The following ABCA13 variants were observed in gnomAD, a reference collection of about 807,000 sequenced individuals.
ABCA13 encodes ATP binding cassette subfamily A member 13.
In ABCA13, 476 loss-of-function variants were observed where a neutral mutation model predicts 478.7. That is an observed-to-expected ratio of 0.99 (90% CI 0.92 to 1.07). The LOEUF is 1.07. ABCA13 is among the 50% of genes least tolerant of loss of function. The pLI is 0.00. For missense variants in ABCA13, 6,060 were observed against 5,910.6 expected (o/e 1.03, Z -0.83); for synonymous variants, 2,252 against 2,158.9 (o/e 1.04, Z -1.20).
Position 48,231,959 on chromosome 7 carries a change from A to G in ABCA13, c.763+2004A>G, listed in dbSNP as rs181923205. ...TTACAGGCGTGAGCCACTGCGCCCA[A>G]CCCTGAACTATTGTACAATGAGATT... On this transcript the variant is annotated intron_variant, in intron 7 of 61. Coordinates refer to ENST00000435803, the MANE Select transcript of ABCA13 (RefSeq NM_152701.5). Among the ~76,000 whole-genome samples the G allele has an allele frequency of 3.5e-3, 533 of 151,912 alleles. 3 individuals are homozygous for G. Among genetic ancestry groups the G allele is most frequent in the Non-Finnish European group, 5.9e-3 (400 of 67,910 alleles).
chr7:48,259,716 A>G (rs573792037), intron 15 of ABCA13, among the ~76,000 whole-genome samples: 4 of 94,754 alleles, frequency 4.2e-5, no homozygotes, highest in African/African-American at 2.5e-4. Flanking sequence ...CTATATACTT[A>G]AGTGTTTTTT....
chr7:48,243,940 G>A (rs969706700), intron 10 of ABCA13, among the ~76,000 whole-genome samples: 1 of 152,256 alleles, frequency 6.6e-6, no homozygotes, highest in Non-Finnish European at 1.5e-5. Context: ...GCTGCCCACA[G>A]TGTGGCTATG....
At chr7:48,571,051 C>T (rs939959442) in intron 55 of ABCA13, among the ~76,000 whole-genome samples, 1 of 152,154 alleles carries the variant, frequency 6.6e-6, no homozygotes, top group Non-Finnish European at 1.5e-5. Context: ...TTAATACCAA[C>T]TTAATTTCAA....
intron 48 of ABCA13, among the ~76,000 whole-genome samples, chr7:48,495,402 T>A (rs1830187399): frequency 6.6e-6 from 1 of 152,200 alleles, no homozygotes; most frequent in Non-Finnish European, 1.5e-5. Flanking sequence ...TCAGTGACCA[T>A]ACTCTGCATT....
chr7:48,442,228 T>G (rs1343708186), intron 42 of ABCA13, among the ~76,000 whole-genome samples: 1 of 152,176 alleles, frequency 6.6e-6, no homozygotes, highest in Non-Finnish European at 1.5e-5. Flanking sequence ...CCAGTTGTAT[T>G]ATGACTTCCC....
At chr7:48,432,992 A>ATTGCATAT in intron 42 of ABCA13, among the ~76,000 whole-genome samples, 1 of 152,070 alleles carries the variant, frequency 6.6e-6, no homozygotes. Context: ...TATGTGAGGT[A>ATTGCATAT]TTGCATATGT....
At position 48,643,274 on chromosome 7, in the gene ABCA13, T is replaced by G. The variant is rs908066114; in HGVS notation, c.14838-14T>G. The G allele has an allele frequency of 2.6e-6, 4 of 1,544,464 alleles. No homozygotes were observed. The highest frequency in any genetic ancestry group is 1.4e-5 in the African/African-American group (1 of 72,886). ...TATGATAATAATCATGTTTCTATTT[T>G]ATTTAACTCTCAGGTTTGGTGATGG... is the stretch of plus-strand genomic sequence containing the variant. On this transcript the variant is annotated splice_polypyrimidine_tract_variant and intron_variant, in intron 59 of 61. Coordinates refer to ENST00000435803, the MANE Select transcript of ABCA13 (RefSeq NM_152701.5).
At chr7:48,432,137 G>T (rs982561028) in intron 42 of ABCA13, among the ~76,000 whole-genome samples, 2 of 152,050 alleles carry the variant, frequency 1.3e-5, no homozygotes, top group Non-Finnish European at 2.9e-5. Flanking sequence ...AACAAGTAAT[G>T]CAGTTAAAAA....
chr7:48,360,496 A>G (rs1810656395), intron 31 of ABCA13, among the ~76,000 whole-genome samples: 1 of 151,986 alleles, frequency 6.6e-6, no homozygotes, highest in South Asian at 2.1e-4. Flanking sequence ...GGAAAATCCT[A>G]TTTCTGAGGT....
chr7:48,487,838 C>T (rs1001556883), intron 47 of ABCA13, among the ~76,000 whole-genome samples: 1 of 152,200 alleles, frequency 6.6e-6, no homozygotes, highest in Non-Finnish European at 1.5e-5. Context: ...GGTGACAGTA[C>T]AGAGTTGTGT....
At chr7:48,403,942 C>A (rs1000084829) in intron 39 of ABCA13, 63 bp downstream of exon 39, 2 of 1,532,006 alleles carry the variant, frequency 1.3e-6, no homozygotes, top group Admixed American at 1.9e-5. Flanking sequence ...AAATGCATTG[C>A]TACTGTACAG....
rs116192299 is a variant in ABCA13 at position 48,291,336 on chromosome 7, C to A, written c.8955+3258C>A. ...TGAGCTGAGCACTCCTTGTCAGACC[C>A]CTTCAGGTGTTACTCACACAATGCA... On this transcript the variant is annotated intron_variant, in intron 20 of 61. Coordinates refer to ENST00000435803, the MANE Select transcript of ABCA13 (RefSeq NM_152701.5). Among the ~76,000 whole-genome samples, 586 of 152,252 alleles carry A rather than the reference C, an allele frequency of 3.8e-3. 2 individuals are homozygous for A. Among genetic ancestry groups the A allele is most frequent in the African/African-American group, 0.013 (555 of 41,536 alleles).
At chr7:48,566,910 A>C (rs1428862978) in intron 55 of ABCA13, among the ~76,000 whole-genome samples, 1 of 152,162 alleles carries the variant, frequency 6.6e-6, no homozygotes, top group Admixed American at 6.6e-5. Flanking sequence ...GGTTTAGCAC[A>C]CTCTGGATCT....
At chr7:48,346,536 A>G (rs1584948173) in intron 29 of ABCA13, among the ~76,000 whole-genome samples, 1 of 151,662 alleles carries the variant, frequency 6.6e-6, no homozygotes, top group East Asian at 2.0e-4. Context: ...CACAATGCAC[A>G]ATATACTTTT....
intron 37 of ABCA13, among the ~76,000 whole-genome samples, chr7:48,391,341 G>A (rs1447063031): frequency 1.3e-5 from 2 of 152,152 alleles, no homozygotes; most frequent in African/African-American, 4.8e-5. Context: ...TATGATTGCA[G>A]TTCAGACTTA....
intron 39 of ABCA13, 167 bp downstream of exon 39, chr7:48,404,046 C>T: frequency 2.6e-6 from 2 of 781,648 alleles, no homozygotes; most frequent in Non-Finnish European, 4.2e-6. Context: ...CGTTAGATAA[C>T]ATCTCTATAG....
chr7:48,323,731 G>T (rs1238149624), intron 27 of ABCA13, among the ~76,000 whole-genome samples: 1 of 152,166 alleles, frequency 6.6e-6, no homozygotes, highest in African/African-American at 2.4e-5. Flanking sequence ...TTATTTTGAA[G>T]CCTGTGATAT....
intron 58 of ABCA13, among the ~76,000 whole-genome samples, chr7:48,604,492 A>G (rs1286682158): frequency 2.6e-5 from 4 of 152,168 alleles, no homozygotes; most frequent in Non-Finnish European, 5.9e-5. Flanking sequence ...TTATTTACCC[A>G]GTAATCATTC....
chr7:48,403,800 G>A lies in ABCA13; in HGVS notation c.11991G>A (p.Val3997=). 6.2e-7 allele frequency: 1 copy of A among 1,613,940 alleles called. No individual in the cohort carries two copies. The highest frequency in any genetic ancestry group is 8.5e-7 in the Non-Finnish European group (1 of 1,179,862). The change falls in exon 39 of 62, where the codon GTG becomes GTA. Residue 3997 remains valine, a synonymous_variant. Coordinates refer to ENST00000435803, the MANE Select transcript of ABCA13 (RefSeq NM_152701.5). The stretch of plus-strand genomic sequence containing the variant: ...CTTTCATGGGCATGTCGAGGACCGT[G>A]GTTCTGGATGAGCCCACCAGTGGGG... ...GIAFMGMSRT[V]VLDEPTSGVD... is the part of the protein sequence containing the mutation.
Sources: allele counts gnomAD v4.1 joint callset (sites outside exome capture counted in the v4.1 genomes callset), GRCh38; gene constraint gnomAD v4.1.1; transcripts MANE v1.5; gene names NCBI Gene and HGNC (gene_info 2026-07-23, HGNC 2026-07-21).